RUNX2: variants seen among roughly 807,000 people sequenced by gnomAD.
RUNX2 encodes RUNX family transcription factor 2.
In RUNX2, 10 loss-of-function variants were observed where a neutral mutation model predicts 51.7. The observed-to-expected ratio is 0.19, with a 90% CI of 0.12 to 0.33. RUNX2 has a LOEUF of 0.33. RUNX2 is among the 10% of genes least tolerant of loss of function. The pLI is 1.00. For synonymous variants in RUNX2, 276 were observed against 273.6 expected (o/e 1.01, Z -0.09); for missense variants, 562 against 691.3 (o/e 0.81, Z 2.10).
At chr6:45,471,702 G>A (rs994652930) in intron 5 of RUNX2, among the ~76,000 whole-genome samples, 1 of 152,126 alleles carries the variant, frequency 6.6e-6, no homozygotes, top group African/African-American at 2.4e-5. Flanking sequence ...CTCCCAAAGT[G>A]CTGGGATTAC....
At position 45,498,069 on chromosome 6, in the gene RUNX2, C is replaced by T. The variant is rs1800698435; in HGVS notation, c.859+5955C>T. Among the ~76,000 whole-genome samples the T allele has an allele frequency of 2.6e-5, 4 of 152,124 alleles. No individual in the cohort carries two copies. In the South Asian group the frequency reaches 8.3e-4, roughly 32 times the overall value. Reference sequence around the variant, plus strand: ...CAGGTGGAATAACTCACCCAAGGTCCCACTTACTACTAGTAAGTGGTAAAT... The same window carrying T: ...CAGGTGGAATAACTCACCCAAGGTCTCACTTACTACTAGTAAGTGGTAAAT... On this transcript the variant is annotated intron_variant, in intron 6 of 8. Transcript: ENST00000647337.
intron 2 of RUNX2, among the ~76,000 whole-genome samples, chr6:45,400,723 A>G (rs1797698242): frequency 6.6e-6 from 1 of 152,052 alleles, no homozygotes; most frequent in Admixed American, 6.6e-5. Flanking sequence ...CTTGATTTCT[A>G]TTATTGAAAG....
At chr6:45,329,596 C>G (rs1293229863) in intron 2 of RUNX2, among the ~76,000 whole-genome samples, 1 of 151,028 alleles carries the variant, frequency 6.6e-6, no homozygotes, top group Non-Finnish European at 1.5e-5. Context: ...TAATCACATT[C>G]TTGGACCTAC....
At chr6:45,504,293 A>T in intron 6 of RUNX2, among the ~76,000 whole-genome samples, 1 of 152,194 alleles carries the variant, frequency 6.6e-6, no homozygotes, top group Non-Finnish European at 1.5e-5. Flanking sequence ...TCCAGAAAGG[A>T]CTGAGGGTTG....
intron 5 of RUNX2, among the ~76,000 whole-genome samples, chr6:45,485,673 A>ATGTGTG (rs370831246): frequency 6.4e-5 from 8 of 124,272 alleles, no homozygotes; most frequent in African/African-American, 2.2e-4. Flanking sequence ...ATGGATATGT[A>ATGTGTG]TGTGTGTGTG....
chr6:45,378,572 G>T (rs1284284874), intron 2 of RUNX2, among the ~76,000 whole-genome samples: 1 of 151,838 alleles, frequency 6.6e-6, no homozygotes, highest in Non-Finnish European at 1.5e-5. Context: ...TCATTAATCT[G>T]CTATTAATGT....
intron 2 of RUNX2, among the ~76,000 whole-genome samples, chr6:45,352,434 G>A (rs1393435369): frequency 6.6e-6 from 1 of 152,060 alleles, no homozygotes; most frequent in African/African-American, 2.4e-5. Flanking sequence ...GTTGTAGACT[G>A]GAAGCAACAT....
intron 7 of RUNX2, among the ~76,000 whole-genome samples, chr6:45,542,768 C>A (rs1036407204): frequency 4.6e-5 from 7 of 152,160 alleles, no homozygotes; most frequent in African/African-American, 7.2e-5. Flanking sequence ...GTAGATAGAC[C>A]TGTGATCATG....
At chr6:45,371,332 T>C (rs1379133207) in intron 2 of RUNX2, among the ~76,000 whole-genome samples, 1 of 151,442 alleles carries the variant, frequency 6.6e-6, no homozygotes, top group Non-Finnish European at 1.5e-5. Context: ...GGATTTACTG[T>C]AGGCATGTAA....
intron 3 of RUNX2, among the ~76,000 whole-genome samples, chr6:45,424,067 G>T (rs959778042): frequency 4.6e-5 from 7 of 152,266 alleles, no homozygotes; most frequent in African/African-American, 1.7e-4. Context: ...GCTCCTGCTG[G>T]TGGCCTGAGC....
At chr6:45,380,943 G>C (rs545445650) in intron 2 of RUNX2, among the ~76,000 whole-genome samples, 2 of 152,102 alleles carry the variant, frequency 1.3e-5, no homozygotes, top group Non-Finnish European at 2.9e-5. Context: ...TTTGTTGTTT[G>C]AGATTCATAA....
chr6:45,444,366 C>G (rs575173375), intron 5 of RUNX2, among the ~76,000 whole-genome samples: 1 of 152,312 alleles, frequency 6.6e-6, no homozygotes, highest in South Asian at 2.1e-4. Flanking sequence ...GATCAGCCAG[C>G]CACCTGTCTC....
chr6:45,426,986 A>G (rs138738309), intron 3 of RUNX2, among the ~76,000 whole-genome samples: 1 of 152,302 alleles, frequency 6.6e-6, no homozygotes, highest in Non-Finnish European at 1.5e-5. Flanking sequence ...AAGCCTGTTA[A>G]ATCCTTATTA....
At chr6:45,485,583 T>C (rs115342643) in intron 5 of RUNX2, among the ~76,000 whole-genome samples, 4,083 of 151,622 alleles carry the variant, frequency 0.027, 191 homozygotes, top group African/African-American at 0.093. Flanking sequence ...ACTAGAGTTA[T>C]AAAGTGGTTT....
chr6:45,336,964 AC>A (rs1788691114), intron 2 of RUNX2, among the ~76,000 whole-genome samples: 1 of 151,706 alleles, frequency 6.6e-6, no homozygotes, highest in Non-Finnish European at 1.5e-5. Context: ...ATTTTTTGAA[AC>A]TTGCTGTGAA....
intron 3 of RUNX2, among the ~76,000 whole-genome samples, chr6:45,430,286 A>G (rs747364380): frequency 5.9e-5 from 9 of 152,208 alleles, no homozygotes; most frequent in Middle Eastern, 3.4e-3. Flanking sequence ...ATAGACCATT[A>G]ATATTAACAT....
intron 2 of RUNX2, among the ~76,000 whole-genome samples, chr6:45,395,143 T>C (rs1215121884): frequency 6.6e-6 from 1 of 152,190 alleles, no homozygotes; most frequent in Admixed American, 6.5e-5. Context: ...TTCTCCAGTG[T>C]TTGGGGCAGT....
At chr6:45,534,287 G>A (rs1343595563) in intron 7 of RUNX2, among the ~76,000 whole-genome samples, 3 of 152,164 alleles carry the variant, frequency 2.0e-5, no homozygotes, top group Non-Finnish European at 2.9e-5. Flanking sequence ...GAAACCCAAC[G>A]CGTTCACTTC....
At position 45,550,528 on chromosome 6, in the gene RUNX2, A is replaced by G. The variant is rs1466068251; in HGVS notation, c.*3223A>G. ...GAAACACGAAGCATTAGCAAAAGTAATAATTATACCTATGGTATTTGAAAG... is the reference window on the plus strand; with the variant it reads ...GAAACACGAAGCATTAGCAAAAGTAGTAATTATACCTATGGTATTTGAAAG... On this transcript the variant is annotated 3_prime_UTR_variant, in exon 9 of 9. Coordinates refer to ENST00000647337, the MANE Select transcript of RUNX2 (RefSeq NM_001024630.4). 6.6e-6 allele frequency: 1 copy of G among 152,650 alleles called. No individual in the cohort carries two copies. The highest frequency in any genetic ancestry group is 1.5e-5 in the Non-Finnish European group (1 of 68,046). The allele number at this position is 152,650 out of a possible 1,614,324, so 9.5% of individuals were successfully genotyped here.
Sources: gnomAD v4.1 joint callset for allele counts (sites outside exome capture counted in the v4.1 genomes callset) on GRCh38, gnomAD v4.1.1 for gene constraint, MANE v1.5 for transcripts, NCBI Gene and HGNC (gene_info 2026-07-23, HGNC 2026-07-21) for gene names.